Variants in ST7 observed in about 807,000 individuals in gnomAD.
ST7 encodes the protein suppressor of tumorigenicity 7 protein.
Under a neutral mutation model 78.7 loss-of-function variants are expected in ST7, and 28 were observed. The ratio of observed to expected loss-of-function variants is 0.36; its 90% CI spans 0.26 to 0.49. The LOEUF is 0.49. Ranked by LOEUF, ST7 falls within the 20% of genes least tolerant of loss-of-function variation. The pLI, the probability that ST7 is intolerant of heterozygous loss-of-function variation, is 0.99. For missense variants in ST7, 418 were observed against 696.0 expected (o/e 0.60, Z 4.49); for synonymous variants, 247 against 249.6 (o/e 0.99, Z 0.10).
chr7:117,134,535 A>C (rs1192405335), intron 7 of ST7, among the ~76,000 whole-genome samples: 2 of 152,032 alleles, frequency 1.3e-5, no homozygotes, highest in Non-Finnish European at 2.9e-5. Context: ...TAAGCAAAGC[A>C]AGCAAGCTAG....
At chr7:117,134,320 G>A in intron 7 of ST7, 128 bp downstream of exon 7, 1 of 1,375,220 alleles carries the variant, frequency 7.3e-7, no homozygotes, top group Non-Finnish European at 1.0e-6. Flanking sequence ...TGACAAGGAT[G>A]CATCATCTAT....
intron 10 of ST7, 33 bp downstream of exon 10, chr7:117,171,009 A>C (rs1240326796): frequency 7.0e-7 from 1 of 1,419,904 alleles, no homozygotes; most frequent in Non-Finnish European, 9.8e-7. Context: ...TTACTTGACT[A>C]TTCCTCTTTT....
chr7:117,003,098 A>C (rs1752771170), intron 1 of ST7, among the ~76,000 whole-genome samples: 1 of 151,824 alleles, frequency 6.6e-6, no homozygotes, highest in Non-Finnish European at 1.5e-5. Context: ...TGCTGGGATT[A>C]CAGGCGTGAG....
intron 3 of ST7, among the ~76,000 whole-genome samples, chr7:117,128,136 T>G (rs1015389151): frequency 2.0e-5 from 3 of 151,926 alleles, no homozygotes; most frequent in Non-Finnish European, 4.4e-5. Context: ...AAATCTATAT[T>G]CATGTTTATT....
chr7:116,979,369 G>A (rs1436623327), intron 1 of ST7, among the ~76,000 whole-genome samples: 1 of 152,148 alleles, frequency 6.6e-6, no homozygotes, highest in African/African-American at 2.4e-5. Flanking sequence ...CAGTCTTCTT[G>A]TCTTATGCTG....
chr7:117,124,624 G>T (rs1803676613), intron 3 of ST7, among the ~76,000 whole-genome samples: 1 of 152,164 alleles, frequency 6.6e-6, no homozygotes, highest in African/African-American at 2.4e-5. Flanking sequence ...TCAGTGGCAG[G>T]ATTGCCAGTG....
chr7:117,219,314 T>C lies in ST7; in HGVS notation c.1498+138T>C. 1.4e-6 allele frequency: 1 copy of C among 690,232 alleles called. No homozygotes were observed. The highest frequency in any genetic ancestry group is 1.9e-5 in the South Asian group (1 of 52,568). The allele number at this position is 690,232 out of a possible 1,614,324, so 42.8% of individuals were successfully genotyped here. On this transcript the variant is annotated intron_variant, in intron 14 of 15. Coordinates refer to ENST00000323984, the MANE Select transcript of ST7 (RefSeq NM_001369598.1). This position sits in a 1 kb window ranked among gnomAD's most constrained non-coding sequence, Gnocchi z 5.1. ...ACCCCTGTCCTTGTTTGATAGCATA[T>C]GTATTAAAGTGAATTATGTGAGTGG...
chr7:117,145,068 C>A (rs1476371570), intron 9 of ST7, among the ~76,000 whole-genome samples: 1 of 151,926 alleles, frequency 6.6e-6, no homozygotes, highest in Non-Finnish European at 1.5e-5. Context: ...GGTGTGGTAG[C>A]ACACGCCTGT....
chr7:117,197,813 G>A (rs1810461938), intron 12 of ST7, among the ~76,000 whole-genome samples: 1 of 152,168 alleles, frequency 6.6e-6, no homozygotes, highest in South Asian at 2.1e-4. Context: ...CATTGAAAGG[G>A]TTCATCACGC....
chr7:117,066,975 A>G (rs961017071), intron 1 of ST7, among the ~76,000 whole-genome samples: 10 of 152,046 alleles, frequency 6.6e-5, no homozygotes, highest in Non-Finnish European at 1.5e-4. Context: ...TAGTCTAGAA[A>G]TTTTATATAA....
At chr7:117,040,155 C>T (rs539363365) in intron 1 of ST7, among the ~76,000 whole-genome samples, 4 of 152,006 alleles carry the variant, frequency 2.6e-5, no homozygotes, top group Admixed American at 6.6e-5. Context: ...GGGTGGATCA[C>T]GATGTCAGGA....
intron 1 of ST7, among the ~76,000 whole-genome samples, chr7:117,010,270 G>GTGC (rs1454604618): frequency 5.3e-5 from 8 of 152,174 alleles, no homozygotes; most frequent in African/African-American, 1.9e-4. Context: ...TATCTGGTTA[G>GTGC]TGCTAGATGC....
At chr7:117,057,603 A>G (rs1186875872) in intron 1 of ST7, among the ~76,000 whole-genome samples, 1 of 152,164 alleles carries the variant, frequency 6.6e-6, no homozygotes, top group East Asian at 1.9e-4. Context: ...CACAGCAAAT[A>G]ATTGCCCAAT....
Position 117,209,975 on chromosome 7 carries a change from A to ATTT in ST7, c.1405+39_1405+40insTTT. The ATTT allele has an allele frequency of 1.9e-6, 3 of 1,599,796 alleles. No individual in the cohort carries two copies. In the South Asian group the frequency reaches 3.3e-5, roughly 18 times the overall value. ...CTTTTTTTGAAACATTTTTAAGAGC[A>ATTT]TGAAAAGGTGCTAAAATGTTTTTGC... On this transcript the variant is annotated intron_variant, in intron 13 of 15. Coordinates refer to ENST00000323984, the MANE Select transcript of ST7 (RefSeq NM_001369598.1).
At chr7:117,074,763 G>C (rs1237034347) in intron 1 of ST7, 2 of 152,190 alleles carry the variant, frequency 1.3e-5, no homozygotes, top group Non-Finnish European at 2.9e-5. Flanking sequence ...GTTCTATTTA[G>C]AACCCCTGCA....
At chr7:117,218,801 G>C (rs1163634235) in intron 13 of ST7, among the ~76,000 whole-genome samples, 1 of 152,176 alleles carries the variant, frequency 6.6e-6, no homozygotes. Context: ...AGTAGATGAT[G>C]AAACCCTGGG....
At chr7:117,153,249 G>A (rs1460837685) in intron 9 of ST7, among the ~76,000 whole-genome samples, 1 of 152,110 alleles carries the variant, frequency 6.6e-6, no homozygotes, top group Non-Finnish European at 1.5e-5. Flanking sequence ...TGGATGGGTG[G>A]GCAGGAGGAA....
chr7:117,034,387 T>C (rs1157953442), intron 1 of ST7, among the ~76,000 whole-genome samples: 1 of 152,210 alleles, frequency 6.6e-6, no homozygotes, highest in African/African-American at 2.4e-5. Flanking sequence ...AAACATTTGC[T>C]GTATGAAAAT....
intron 7 of ST7, 94 bp downstream of exon 7, chr7:117,134,286 T>TG: frequency 6.4e-7 from 1 of 1,559,302 alleles, no homozygotes; most frequent in Non-Finnish European, 8.7e-7. Flanking sequence ...CACACTTTCT[T>TG]GCTTCTGTAT....
Sources: gnomAD v4.1 joint callset for allele counts (sites outside exome capture counted in the v4.1 genomes callset) on GRCh38, gnomAD v4.1.1 for gene constraint, Gnocchi (gnomAD v3.1) non-coding constraint, MANE v1.5 for transcripts, NCBI Gene and HGNC (gene_info 2026-07-23, HGNC 2026-07-21) for gene names.